CENPC: variants seen among roughly 807,000 people sequenced by gnomAD.
CENPC encodes centromere protein C.
A neutral mutation model predicts 112.1 loss-of-function variants in CENPC; 63 were observed. The ratio of observed to expected loss-of-function variants is 0.56; its 90% CI spans 0.46 to 0.69. The LOEUF (loss-of-function observed/expected upper bound fraction) is 0.69, where lower values mean the gene tolerates loss of function less well. Among genes scored for constraint, CENPC ranks in the 30% least tolerant of loss-of-function variants. The pLI is 0.00. For synonymous variants in CENPC, 333 were observed against 367.6 expected (o/e 0.91, Z 1.08); for missense variants, 1,000 against 1,103.8 (o/e 0.91, Z 1.33).
At chr4:67,540,939 T>G in intron 3 of CENPC, 41 bp downstream of exon 3, 1 of 1,293,616 alleles carries the variant, frequency 7.7e-7, no homozygotes, top group Non-Finnish European at 1.1e-6. Flanking sequence ...CATATTTTCA[T>G]CCATCTAACC....
chr4:67,514,046 C>T (rs1279465938), intron 8 of CENPC, 28 bp downstream of exon 8: 28 of 1,525,378 alleles, frequency 1.8e-5, no homozygotes, highest in Non-Finnish European at 2.4e-5. Flanking sequence ...GAATAATGCT[C>T]ATGGTTATAT....
chr4:67,497,448 A>C (rs1218933887), intron 12 of CENPC, among the ~76,000 whole-genome samples: 1 of 152,176 alleles, frequency 6.6e-6, no homozygotes, highest in African/African-American at 2.4e-5. Context: ...TCAGTTCCAG[A>C]CTACTGCAGT....
intron 8 of CENPC, among the ~76,000 whole-genome samples, chr4:67,513,751 C>G (rs1380511956): frequency 2.0e-5 from 3 of 151,874 alleles, no homozygotes; most frequent in Admixed American, 2.0e-4. Context: ...CCCACGGTAC[C>G]CTGGGATTTT....
intron 2 of CENPC, among the ~76,000 whole-genome samples, chr4:67,543,658 G>A (rs1375647684): frequency 4.6e-5 from 7 of 152,078 alleles, no homozygotes; most frequent in Admixed American, 2.0e-4. Flanking sequence ...TAAACATGAC[G>A]TTATTCATAA....
chr4:67,478,666 AC>A (rs58607048), intron 17 of CENPC, among the ~76,000 whole-genome samples: 34 of 76,642 alleles, frequency 4.4e-4, no homozygotes, highest in Non-Finnish European at 2.1e-4. Flanking sequence ...ACACACACAC[AC>A]CCAAAGTATT....
chr4:67,537,027 T>TAAAAA (rs74550952), intron 4 of CENPC, among the ~76,000 whole-genome samples: 1 of 97,172 alleles, frequency 1.0e-5, no homozygotes, highest in South Asian at 3.0e-4. Context: ...TACCTCTAAT[T>TAAAAA]AAAAAAAAAA....
chr4:67,491,278 A>G (rs954798045), intron 16 of CENPC, among the ~76,000 whole-genome samples: 1 of 149,890 alleles, frequency 6.7e-6, no homozygotes. Context: ...GACTCAAGCA[A>G]TTCTCCTGTC....
Position 67,470,279 on chromosome 4 carries a change from G to C in CENPC, c.*2326C>G, listed in dbSNP as rs547709376. The stretch of plus-strand genomic sequence containing the variant: ...GGGCTTTCAGTTTAGACAAAGAAAG[G>C]CTACACTTAAGCTGGGCACAGTGGC... On this transcript the variant is annotated 3_prime_UTR_variant, in exon 19 of 19. Transcript: ENST00000273853. 1 of 152,272 alleles carries C rather than the reference G, an allele frequency of 6.6e-6. No homozygotes were observed. Among genetic ancestry groups the C allele is most frequent in the South Asian group, 2.1e-4 (1 of 4,814 alleles). 9.4% of individuals were successfully genotyped at this position (152,272 alleles called of 1,614,324 possible).
At chr4:67,474,000 G>A (rs1724738746) in intron 18 of CENPC, among the ~76,000 whole-genome samples, 1 of 152,168 alleles carries the variant, frequency 6.6e-6, no homozygotes, top group African/African-American at 2.4e-5. Flanking sequence ...ATTTCTTAGA[G>A]ATAACATGGG....
chr4:67,504,172 G>A (rs1476705322), intron 12 of CENPC, among the ~76,000 whole-genome samples: 1 of 149,120 alleles, frequency 6.7e-6, no homozygotes, highest in Non-Finnish European at 1.5e-5. Flanking sequence ...TGGAGACCAA[G>A]CTCTTAACTA....
intron 17 of CENPC, among the ~76,000 whole-genome samples, chr4:67,479,372 T>C (rs1390250814): frequency 6.6e-6 from 1 of 152,050 alleles, no homozygotes; most frequent in African/African-American, 2.4e-5. Flanking sequence ...TATCAAGTAC[T>C]CTCTCAGACC....
intron 17 of CENPC, 56 bp downstream of exon 17, chr4:67,489,911 C>T: frequency 7.4e-7 from 1 of 1,360,454 alleles, no homozygotes; most frequent in Non-Finnish European, 9.8e-7. Flanking sequence ...TCATCAAATC[C>T]AATAAATCAG....
At chr4:67,491,476 TATATAGAGAGAGAGAGAG>T (rs1443983255) in intron 16 of CENPC, among the ~76,000 whole-genome samples, 25 of 28,572 alleles carry the variant, frequency 8.7e-4, no homozygotes, top group African/African-American at 2.6e-3. Flanking sequence ...TATATATATA[TATATAGAGAGAGAGAGAG>T]AGAGAGAGAG....
Position 67,530,973 on chromosome 4 carries a change from A to G in CENPC, c.232-59T>C, listed in dbSNP as rs1001009934. ...TTTATTAACTTACCAATTCAATGAA[A>G]TATATTTGTTTTTTAAATGGGGGGA... On this transcript the variant is annotated intron_variant, in intron 4 of 18. Coordinates refer to ENST00000273853, the MANE Select transcript of CENPC (RefSeq NM_001812.4). The G allele has an allele frequency of 7.2e-6, 6 of 831,262 alleles. No individual in the cohort carries two copies. The African/African-American group carries it at 1.1e-4, about 15-fold the overall frequency. 51.5% of individuals were successfully genotyped at this position (831,262 alleles called of 1,614,324 possible). A position where few individuals can be genotyped will look rare whatever the true frequency, so the allele number is the denominator to read the frequency against.
At chr4:67,505,702 T>C (rs1725713668) in intron 11 of CENPC, among the ~76,000 whole-genome samples, 1 of 152,148 alleles carries the variant, frequency 6.6e-6, no homozygotes, top group Middle Eastern at 3.2e-3. Flanking sequence ...TTTCTGAATA[T>C]TTTCAATCCA....
chr4:67,525,688 T>G (rs917363355), intron 5 of CENPC, among the ~76,000 whole-genome samples: 1 of 152,178 alleles, frequency 6.6e-6, no homozygotes, highest in Non-Finnish European at 1.5e-5. Flanking sequence ...CTGGCAAGGA[T>G]GTGGAGAAAC....
intron 7 of CENPC, among the ~76,000 whole-genome samples, chr4:67,515,131 A>G (rs1726022396): frequency 6.6e-6 from 1 of 152,010 alleles, no homozygotes; most frequent in South Asian, 2.1e-4. Context: ...TTCTGAGAAC[A>G]CTCCAAGTCT....
intron 13 of CENPC, among the ~76,000 whole-genome samples, chr4:67,494,350 C>T (rs1202855816): frequency 6.6e-6 from 1 of 152,148 alleles, no homozygotes; most frequent in Non-Finnish European, 1.5e-5. Context: ...CTGAAGCTAA[C>T]GAGAAGTTGC....
chr4:67,504,297 T>C (rs963158234), intron 12 of CENPC, among the ~76,000 whole-genome samples: 2 of 151,786 alleles, frequency 1.3e-5, no homozygotes, highest in Non-Finnish European at 2.9e-5. Flanking sequence ...CTGAGGGAAA[T>C]TGAATGCTGC....
Sources: allele counts gnomAD v4.1 joint callset (sites outside exome capture counted in the v4.1 genomes callset), GRCh38; gene constraint gnomAD v4.1.1; transcripts MANE v1.5; gene names NCBI Gene and HGNC (gene_info 2026-07-23, HGNC 2026-07-21).